Variants in GLB1L3 observed in about 807,000 individuals in gnomAD.
The protein encoded by GLB1L3 is galactosidase beta 1 like 3.
A neutral mutation model predicts 89.5 loss-of-function variants in GLB1L3; 89 were observed. The ratio of observed to expected loss-of-function variants is 0.99; its 90% confidence interval spans 0.84 to 1.19. The LOEUF (loss-of-function observed/expected upper bound fraction) is 1.19, where lower values mean the gene tolerates loss of function less well. Among genes scored for constraint, GLB1L3 ranks in the 50% most tolerant of loss-of-function variants. The pLI is 0.00. For missense variants in GLB1L3, 812 were observed against 813.3 expected, an observed-to-expected ratio of 1.00 and a Z score of 0.02; for synonymous variants, 314 against 312.3, an observed-to-expected ratio of 1.01 and a Z score of -0.06.
chr11:134,312,467 C>T lies in GLB1L3; in HGVS notation c.1406C>T (p.Ala469Val), dbSNP rs766147836. 5 of 1,612,762 alleles carry T rather than the reference C, an allele frequency of 3.1e-6. No homozygotes were observed. In the South Asian group the frequency reaches 5.5e-5, roughly 18 times the overall value. ...KSICSGGRLR[A>V]HAHDVAQVFL... is the part of the protein sequence containing the mutation. ...ATCTGCTCCGGAGGCCGCCTCCGTG[C>T]CCACGCTCATGACGTGGCACAGGTA... The change falls in exon 14 of 20, where the codon GCC becomes GTC. Residue 469 changes from alanine to valine, a missense_variant. Around this residue, in one of 3 missense-constraint regions of GLB1L3, gnomAD observed 618 missense variants for 604.0 expected, o/e 1.02. Transcript: ENST00000431683.
chr11:134,308,433 A>G (rs1485078654), intron 10 of GLB1L3, among the ~76,000 whole-genome samples: 7 of 80,586 alleles, frequency 8.7e-5, no homozygotes, highest in South Asian at 6.2e-4. Context: ...CACCATCACC[A>G]CCACCACCAC....
downstream of GLB1L3, among the ~76,000 whole-genome samples, chr11:134,320,806 C>G (rs989557061): frequency 4.6e-5 from 7 of 151,998 alleles, no homozygotes; most frequent in African/African-American, 1.7e-4. Context: ...TCAAAAGATC[C>G]CCACTAAATG....
intron 19 of GLB1L3, 38 bp from the exon 20 acceptor site, chr11:134,318,839 T>G: frequency 6.3e-7 from 1 of 1,587,712 alleles, no homozygotes; most frequent in African/African-American, 1.3e-5. Context: ...CTAAATAGGC[T>G]TCACCTTTCC....
chr11:134,277,178 G>C, intron 1 of GLB1L3, 148 bp from the exon 2 acceptor site: 2 of 956,442 alleles, frequency 2.1e-6, no homozygotes, highest in Non-Finnish European at 1.7e-6. Flanking sequence ...CGCTGTCCTG[G>C]CCCTGGGCCC....
downstream of GLB1L3, among the ~76,000 whole-genome samples, chr11:134,321,665 A>G (rs183400028): frequency 1.8e-3 from 274 of 152,292 alleles, 1 homozygote; most frequent in Non-Finnish European, 2.8e-3. Flanking sequence ...AAACTATCGC[A>G]AGGACAGAAA....
At chr11:134,277,240 A>G (rs557936598) in intron 1 of GLB1L3, 86 bp from the exon 2 acceptor site, 8 of 1,584,688 alleles carry the variant, frequency 5.0e-6, no homozygotes, top group Admixed American at 5.0e-5. Flanking sequence ...CTGGCCTCTA[A>G]AGCGCCCCCG....
rs1565413426 is a variant in GLB1L3, at chr11:134,308,380, T to TCAC, written c.961+1178_961+1180dup. Among the ~76,000 whole-genome samples the TCAC allele has an allele frequency of 1.4e-3, 24 of 17,526 alleles. 1 individual carries two copies. Among genetic ancestry groups the TCAC allele is most frequent in the African/African-American group, 4.6e-3 (16 of 3,476 alleles). The allele number at this position is 17,526 out of a possible 152,430, so 11.5% of individuals were successfully genotyped here. ...ACTACCACCACCACCACCACCACCA[T>TCAC]CACCACCATCACCACCATCACCATC... On this transcript the variant is annotated intron_variant, in intron 10 of 19. Transcript: ENST00000431683.
chr11:134,278,160 C>A (rs544929122), intron 3 of GLB1L3, among the ~76,000 whole-genome samples: 1 of 152,264 alleles, frequency 6.6e-6, no homozygotes, highest in South Asian at 2.1e-4. Flanking sequence ...CCTCAGGATT[C>A]TGTCTGTCTA....
chr11:134,307,749 G>A (rs931989249), intron 10 of GLB1L3, among the ~76,000 whole-genome samples: 5 of 152,156 alleles, frequency 3.3e-5, no homozygotes, highest in East Asian at 1.9e-4. Flanking sequence ...CTAGCCATGC[G>A]CTAGCTTCAT....
rs747695835 is a variant in GLB1L3, at chr11:134,312,507, T to G, written c.1428+18T>G. On this transcript the variant is annotated intron_variant, in intron 14 of 19. Coordinates refer to ENST00000431683, the MANE Select transcript of GLB1L3 (RefSeq NM_001080407.3). ...TGGCACAGGTAGGGCCAGCAGGCTGTCTGTGTGGGAAGCAAAGTGCATCAC... is the reference window on the plus strand; with the variant it reads ...TGGCACAGGTAGGGCCAGCAGGCTGGCTGTGTGGGAAGCAAAGTGCATCAC... The G allele has an allele frequency of 6.8e-6, 11 of 1,608,082 alleles. No individual in the cohort carries two copies. The highest frequency in any genetic ancestry group is 6.7e-5 in the African/African-American group (5 of 74,864).
intron 16 of GLB1L3, 53 bp from the exon 17 acceptor site, chr11:134,313,888 A>AG: frequency 8.7e-7 from 1 of 1,155,868 alleles, no homozygotes; most frequent in Non-Finnish European, 1.3e-6. Context: ...GATGCTAGAG[A>AG]ATATCCAGTC....
intron 13 of GLB1L3, 169 bp from the exon 14 acceptor site, chr11:134,312,179 TG>T: frequency 3.0e-6 from 2 of 664,220 alleles, no homozygotes; most frequent in Non-Finnish European, 5.0e-6. Context: ...GTTTCCTTCC[TG>T]GGCAGTGGAG....
intron 9 of GLB1L3, among the ~76,000 whole-genome samples, chr11:134,301,240 A>G (rs1022310721): frequency 6.6e-5 from 10 of 152,194 alleles, no homozygotes; most frequent in African/African-American, 2.4e-4. Context: ...GATGGACCCA[A>G]GAAGCCATGA....
downstream of GLB1L3, among the ~76,000 whole-genome samples, chr11:134,323,396 TAC>T (rs61583599): frequency 0.013 from 1,979 of 148,678 alleles, 44 homozygotes; most frequent in Admixed American, 0.061. Flanking sequence ...CACACACACG[TAC>T]ACACACACAC....
In GLB1L3 at chr11:134,277,795, T is replaced by A; in HGVS notation, c.245T>A (p.Leu82Gln). The change falls in exon 3 of 20, where the codon CTG becomes CAG. Residue 82 changes from leucine (L) to glutamine (Q), a missense_variant. Around this residue, in one of 3 missense-constraint regions of GLB1L3, gnomAD observed 191 missense variants for 191.4 expected, o/e 1.00. Coordinates refer to ENST00000431683, the MANE Select transcript of GLB1L3 (RefSeq NM_001080407.3). ...STGRGKPHFT[L>Q]EGHKFLIFGG... ...GGTCGGGGTAAGCCCCACTTCACAC[T>A]GGAGGGCCACAAGTTCCTGATCTTC... 6.2e-7 allele frequency: 1 copy of A among 1,614,054 alleles called. No homozygotes were observed. The highest frequency in any genetic ancestry group is 8.5e-7 in the Non-Finnish European group (1 of 1,180,002).
chr11:134,314,336 C>T lies in GLB1L3; in HGVS notation c.1674C>T (p.Arg558=). 1 of 1,547,594 alleles carries T rather than the reference C, an allele frequency of 6.5e-7. No individual in the cohort carries two copies. The highest frequency in any genetic ancestry group is 8.7e-7 in the Non-Finnish European group (1 of 1,145,386). Residue 558 remains arginine (R), a synonymous_variant, in exon 18 of 20, where the codon CGC becomes CGT. Coordinates refer to ENST00000431683, the MANE Select transcript of GLB1L3 (RefSeq NM_001080407.3). ...GGCTTGGCCTTTCTTCCAGGCTCCG[C>T]TCTGCCACCTGGAAGCCTGTCCCAG... ...EMKMSFFERL[R]SATWKPVPDS...
At chr11:134,308,223 T>TCAC (rs1942337238) in intron 10 of GLB1L3, among the ~76,000 whole-genome samples, 5 of 27,552 alleles carry the variant, frequency 1.8e-4, no homozygotes, top group African/African-American at 8.1e-4. Context: ...ACCATCACCA[T>TCAC]CACCACCACC....
Position 134,276,781 on chromosome 11 carries a change from C to A in GLB1L3, c.23+18C>A. 7.0e-7 allele frequency: 1 copy of A among 1,422,254 alleles called. No individual in the cohort carries two copies. The highest frequency in any genetic ancestry group is 9.2e-7 in the Non-Finnish European group (1 of 1,086,832). 88.1% of individuals were successfully genotyped at this position (1,422,254 alleles called of 1,614,324 possible). A position where few individuals can be genotyped will look rare whatever the true frequency, so the allele number is the denominator to read the frequency against. On this transcript the variant is annotated intron_variant, in intron 1 of 19. Transcript: ENST00000431683. ...CTCCTCAGGTGACGGATCGCCGCTG[C>A]CGTCCCGGGCTGCCCACCACCCCGG...
At chr11:134,289,001 G>T (rs1194057029) in intron 7 of GLB1L3, 111 bp downstream of exon 7, 11 of 733,492 alleles carry the variant, frequency 1.5e-5, no homozygotes, top group Non-Finnish European at 2.4e-5. Context: ...TTCTGAGAAT[G>T]TTGGCCTGTG....
Sources: allele counts gnomAD v4.1 joint callset (sites outside exome capture counted in the v4.1 genomes callset), GRCh38; gene constraint gnomAD v4.1.1; regional missense constraint gnomAD v4.1.1; transcripts MANE v1.5; gene names NCBI Gene and HGNC (gene_info 2026-07-23, HGNC 2026-07-21).